CCSER1: variants seen among roughly 807,000 people sequenced by gnomAD.
CCSER1 encodes serine-rich coiled-coil domain-containing protein 1.
CCSER1 carries 41 observed loss-of-function variants against 82.0 expected under a neutral mutation model. The ratio of observed to expected loss-of-function variants is 0.50; its 90% CI spans 0.39 to 0.65. The LOEUF (loss-of-function observed/expected upper bound fraction) is 0.65. Ranked by LOEUF, CCSER1 falls within the 30% of genes least tolerant of loss-of-function variation. The pLI, the probability that CCSER1 is intolerant of heterozygous loss-of-function variation, is 0.00. For synonymous variants in CCSER1, 414 were observed against 383.9 expected (o/e 1.08, Z -0.92); for missense variants, 1,119 against 1,064.2 (o/e 1.05, Z -0.72).
At chr4:91,370,820 C>T (rs1321955069) in intron 10 of CCSER1, among the ~76,000 whole-genome samples, 1 of 151,920 alleles carries the variant, frequency 6.6e-6, no homozygotes, top group African/African-American at 2.4e-5. Flanking sequence ...AAATGGGATG[C>T]CCATCACCTT....
At chr4:90,467,670 G>A (rs566315902) in intron 4 of CCSER1, among the ~76,000 whole-genome samples, 2 of 151,722 alleles carry the variant, frequency 1.3e-5, no homozygotes, top group South Asian at 2.1e-4. Context: ...GAGACAGAGC[G>A]AGACTCCGTC....
intron 9 of CCSER1, among the ~76,000 whole-genome samples, chr4:90,924,875 C>T (rs944004591): frequency 2.0e-5 from 3 of 152,180 alleles, no homozygotes; most frequent in South Asian, 4.1e-4. Context: ...TGCAAGCACC[C>T]GTCATCACTG....
chr4:90,609,464 T>C (rs1304982056), intron 5 of CCSER1, among the ~76,000 whole-genome samples: 1 of 133,000 alleles, frequency 7.5e-6, no homozygotes, highest in East Asian at 2.2e-4. Context: ...AAAAAGTCTA[T>C]ATAGTTTTCC....
intron 1 of CCSER1, among the ~76,000 whole-genome samples, chr4:90,162,515 T>C (rs1016358244): frequency 6.6e-6 from 1 of 152,058 alleles, no homozygotes; most frequent in Non-Finnish European, 1.5e-5. Context: ...GGATTAAGTG[T>C]TTTTCAATTA....
At chr4:91,363,081 A>G (rs1391010300) in intron 10 of CCSER1, among the ~76,000 whole-genome samples, 2 of 151,672 alleles carry the variant, frequency 1.3e-5, no homozygotes, top group Admixed American at 1.3e-4. Context: ...TTTTGTCCAC[A>G]AGAAACTCTC....
chr4:91,154,317 G>A (rs1366648188), intron 10 of CCSER1, among the ~76,000 whole-genome samples: 5 of 152,050 alleles, frequency 3.3e-5, no homozygotes, highest in African/African-American at 9.7e-5. Flanking sequence ...AGCCAGGCAC[G>A]GGATATAATC....
chr4:91,520,304 T>TA (rs2110138281), intron 10 of CCSER1, among the ~76,000 whole-genome samples: 1 of 93,172 alleles, frequency 1.1e-5, no homozygotes, highest in East Asian at 3.7e-4. Flanking sequence ...CAAAACTGTT[T>TA]CTTTTTTTTT....
At chr4:90,496,632 A>G (rs1285451362) in intron 5 of CCSER1, among the ~76,000 whole-genome samples, 2 of 152,176 alleles carry the variant, frequency 1.3e-5, no homozygotes, top group Middle Eastern at 3.2e-3. Context: ...GATTCATTCA[A>G]TCAATATTTT....
intron 9 of CCSER1, among the ~76,000 whole-genome samples, chr4:91,025,053 T>C (rs904745621): frequency 1.3e-5 from 2 of 152,148 alleles, no homozygotes; most frequent in African/African-American, 4.8e-5. Context: ...AGTGAATAAT[T>C]TTGTTTAAGG....
At chr4:91,295,694 G>C (rs1247586258) in intron 10 of CCSER1, among the ~76,000 whole-genome samples, 1 of 151,826 alleles carries the variant, frequency 6.6e-6, no homozygotes, top group East Asian at 1.9e-4. Context: ...CTCTAGGTTT[G>C]TTTGTTCTGG....
intron 10 of CCSER1, among the ~76,000 whole-genome samples, chr4:91,476,656 A>G (rs1039318009): frequency 3.4e-5 from 5 of 148,940 alleles, no homozygotes; most frequent in African/African-American, 1.2e-4. Context: ...AATATACCAC[A>G]AAGTTATAGT....
intron 1 of CCSER1, among the ~76,000 whole-genome samples, chr4:90,155,944 A>C (rs1487064951): frequency 2.0e-5 from 3 of 151,502 alleles, no homozygotes; most frequent in Admixed American, 6.6e-5. Context: ...TTGCTTTTCT[A>C]GTTCTTTTAA....
intron 10 of CCSER1, among the ~76,000 whole-genome samples, chr4:91,507,670 A>T (rs950133988): frequency 4.6e-5 from 7 of 151,668 alleles, no homozygotes; most frequent in African/African-American, 1.5e-4. Context: ...CTTTACATAT[A>T]TATAACTTAA....
chr4:90,893,755 TTGTGTGTGTGTGTGTG>T (rs58240569), intron 8 of CCSER1, among the ~76,000 whole-genome samples: 5,508 of 144,984 alleles, frequency 0.038, 325 homozygotes, highest in African/African-American at 0.13. Context: ...ACCTGAATTC[TTGTGTGTGTGTGTGTG>T]TGTGCGTGTG....
At chr4:91,414,206 A>C (rs548798997) in intron 10 of CCSER1, among the ~76,000 whole-genome samples, 2 of 151,900 alleles carry the variant, frequency 1.3e-5, no homozygotes, top group South Asian at 4.1e-4. Flanking sequence ...GTTAAAAGAC[A>C]AAAATACTAA....
chr4:91,182,457 AATAATGCTAGATTCAGTT>A (rs1734132512), intron 10 of CCSER1, among the ~76,000 whole-genome samples: 1 of 152,162 alleles, frequency 6.6e-6, no homozygotes. Context: ...ATTTAAAGTT[AATAATGCTAGATTCAGTT>A]GCATCTGCGG....
At chr4:90,162,968 A>G (rs1030450537) in intron 1 of CCSER1, among the ~76,000 whole-genome samples, 1 of 152,130 alleles carries the variant, frequency 6.6e-6, no homozygotes, top group Non-Finnish European at 1.5e-5. Flanking sequence ...GTAAGAAACC[A>G]TGGAAATTAT....
intron 10 of CCSER1, among the ~76,000 whole-genome samples, chr4:91,443,350 AT>A (rs1755326789): frequency 6.6e-6 from 1 of 152,120 alleles, no homozygotes; most frequent in Admixed American, 6.5e-5. Flanking sequence ...GGAAATCATC[AT>A]TCTCAGTAAA....
intron 8 of CCSER1, among the ~76,000 whole-genome samples, chr4:90,831,888 T>C (rs1473622890): frequency 6.6e-6 from 1 of 152,078 alleles, no homozygotes; most frequent in Non-Finnish European, 1.5e-5. Flanking sequence ...GATATATTCA[T>C]ATGTCTCTCC....
Sources: gnomAD v4.1 joint callset for allele counts (sites outside exome capture counted in the v4.1 genomes callset) on GRCh38, gnomAD v4.1.1 for gene constraint, MANE v1.5 for transcripts, NCBI Gene and HGNC (gene_info 2026-07-23, HGNC 2026-07-21) for gene names.